The following PTAFR variants were observed in gnomAD, a reference collection of about 807,000 sequenced individuals.
The protein encoded by PTAFR is platelet-activating factor receptor.
A neutral mutation model predicts 14.7 loss-of-function variants in PTAFR; 8 were observed. That is an observed-to-expected ratio of 0.54 (90% CI 0.32 to 0.98). PTAFR has a LOEUF of 0.98. PTAFR is among the 50% of genes least tolerant of loss of function. PTAFR has a pLI of 0.04. For missense variants in PTAFR, 337 were observed against 451.2 expected (o/e 0.75, Z 2.29); for synonymous variants, 156 against 176.5 (o/e 0.88, Z 0.92).
intron 1 of PTAFR, among the ~76,000 whole-genome samples, chr1:28,168,052 G>A (rs1390350399): frequency 4.1e-5 from 6 of 145,866 alleles, no homozygotes; most frequent in Admixed American, 1.4e-4. Context: ...TCCGCCTCCC[G>A]GGTTCACGCC....
At chr1:28,175,415 C>T (rs1646502126) in intron 1 of PTAFR, among the ~76,000 whole-genome samples, 1 of 151,996 alleles carries the variant, frequency 6.6e-6, no homozygotes, top group Admixed American at 6.6e-5. Context: ...TTTTGCTTCT[C>T]TAGCACTCCC....
At chr1:28,165,655 C>T (rs576014597) in intron 1 of PTAFR, among the ~76,000 whole-genome samples, 11 of 150,752 alleles carry the variant, frequency 7.3e-5, no homozygotes, top group East Asian at 2.0e-4. Flanking sequence ...TGGTGGCAGG[C>T]GCCTGTAGTC....
At chr1:28,186,442 GT>G (rs1646607026) in intron 1 of PTAFR, among the ~76,000 whole-genome samples, 1 of 152,064 alleles carries the variant, frequency 6.6e-6, no homozygotes, top group Non-Finnish European at 1.5e-5. Context: ...TTCAGAACCA[GT>G]ACAATCAAAA....
Position 28,150,060 on chromosome 1 carries a change from G to T in PTAFR, c.962C>A (p.Thr321Asn). 6.2e-7 allele frequency: 1 copy of T among 1,614,218 alleles called. No homozygotes were observed. The highest frequency in any genetic ancestry group is 8.5e-7 in the Non-Finnish European group (1 of 1,180,030). The stretch of plus-strand genomic sequence containing the variant: ...AACCACTTCAGTGACCGTATCCGTG[G>T]TGGCCCGGGAGCATTTCCGGCTACT... ...MRSSRKCSRA[T>N]TDTVTEVVVP... Residue 321 changes from threonine to asparagine, a missense_variant, in exon 2 of 2, where the codon ACC becomes AAC. Thr to Asn is a moderately conservative substitution (Grantham distance 65). Transcript: ENST00000373857. This position sits in a 1 kb window ranked among gnomAD's most constrained non-coding sequence, Gnocchi z 6.3.
chr1:28,171,310 G>A (rs1452920283), intron 1 of PTAFR, among the ~76,000 whole-genome samples: 5 of 150,116 alleles, frequency 3.3e-5, no homozygotes, highest in African/African-American at 7.4e-5. Context: ...GTGACAGACC[G>A]AGACTCCATC....
upstream of PTAFR, among the ~76,000 whole-genome samples, chr1:28,181,142 C>T (rs1024188761): frequency 6.6e-6 from 1 of 152,106 alleles, no homozygotes; most frequent in African/African-American, 2.4e-5. Flanking sequence ...GCACCACGCC[C>T]GGTCGTGTGT....
At chr1:28,186,663 C>T (rs1416862633) in intron 1 of PTAFR, among the ~76,000 whole-genome samples, 1 of 152,276 alleles carries the variant, frequency 6.6e-6, no homozygotes, top group Middle Eastern at 3.4e-3. Context: ...GTGGCACACA[C>T]CTGTAATCTC....
intron 1 of PTAFR, among the ~76,000 whole-genome samples, chr1:28,185,284 T>C (rs1222372634): frequency 6.6e-6 from 1 of 152,196 alleles, no homozygotes; most frequent in African/African-American, 2.4e-5. Flanking sequence ...TGAATGACAT[T>C]AGAGAGAGGA....
chr1:28,182,608 G>T (rs1646571237), intron 1 of PTAFR, among the ~76,000 whole-genome samples: 1 of 151,640 alleles, frequency 6.6e-6, no homozygotes. Context: ...AAAAAAAAAA[G>T]TGTGCTGATA....
intron 1 of PTAFR, among the ~76,000 whole-genome samples, chr1:28,182,867 G>C (rs112847268): frequency 0.011 from 1,666 of 152,240 alleles, 39 homozygotes; most frequent in African/African-American, 0.038. Context: ...TTGTAGTAGA[G>C]ATGGGGTTTC....
rs1174149251 is a variant in PTAFR at position 28,147,954 on chromosome 1, C to T, written c.*2039G>A. The T allele has an allele frequency of 6.6e-6, 1 of 152,560 alleles. No homozygotes were observed. The highest frequency in any genetic ancestry group is 1.5e-5 in the Non-Finnish European group (1 of 68,204). The allele number at this position is 152,560 out of a possible 1,614,324, so 9.5% of individuals were successfully genotyped here. A position where few individuals can be genotyped will look rare whatever the true frequency, so the allele number is the denominator to read the frequency against. On this transcript the variant is annotated 3_prime_UTR_variant, in exon 2 of 2. Coordinates refer to ENST00000373857, the MANE Select transcript of PTAFR (RefSeq NM_000952.5). The stretch of plus-strand genomic sequence containing the variant: ...CACCGGGTCATCCCATCAGCCAAGT[C>T]CAGCCCACAGCTACCATCCCAGACT...
intron 1 of PTAFR, among the ~76,000 whole-genome samples, chr1:28,172,451 A>G (rs1646463024): frequency 6.6e-6 from 1 of 152,152 alleles, no homozygotes; most frequent in Admixed American, 6.5e-5. Flanking sequence ...CTGGCGTCAC[A>G]CAGACCTGAG....
rs1254649102 is a variant in PTAFR at position 28,148,933 on chromosome 1, G to A, written c.*1060C>T. 1 of 152,264 alleles carries A rather than the reference G, an allele frequency of 6.6e-6. No individual in the cohort carries two copies. The highest frequency in any genetic ancestry group is 1.5e-5 in the Non-Finnish European group (1 of 68,074). 9.4% of individuals were successfully genotyped at this position (152,264 alleles called of 1,614,324 possible). On this transcript the variant is annotated 3_prime_UTR_variant, in exon 2 of 2. Transcript: ENST00000373857. The stretch of plus-strand genomic sequence containing the variant: ...CTTTGCCCACCCTCAGTGGGTGGCT[G>A]CCCCACAGAAGGTACTTAATTAGGG...
chr1:28,183,125 G>A (rs1388571512), intron 1 of PTAFR, among the ~76,000 whole-genome samples: 4 of 152,198 alleles, frequency 2.6e-5, no homozygotes, highest in African/African-American at 7.2e-5. Context: ...CCAATGTTAT[G>A]TAGTGGATAA....
chr1:28,192,982 C>T (rs1646666835), intron 1 of PTAFR, among the ~76,000 whole-genome samples: 1 of 152,178 alleles, frequency 6.6e-6, no homozygotes, highest in Admixed American at 6.5e-5. Flanking sequence ...CTGTCATGCT[C>T]TTTAGTGCGG....
chr1:28,158,455 T>C (rs1646290662), intron 1 of PTAFR, among the ~76,000 whole-genome samples: 2 of 152,186 alleles, frequency 1.3e-5, no homozygotes, highest in South Asian at 4.1e-4. Flanking sequence ...ATCCCAGCAC[T>C]TCGGGAGGCC....
upstream of PTAFR, among the ~76,000 whole-genome samples, chr1:28,180,906 TGAAG>T (rs1284205887): frequency 6.6e-6 from 1 of 151,504 alleles, no homozygotes; most frequent in Non-Finnish European, 1.5e-5. Context: ...GGAAGAGGAA[TGAAG>T]GGAGAGAGGG....
At position 28,151,059 on chromosome 1, in the gene PTAFR, C is replaced by T. The variant is rs1646181311; in HGVS notation, c.-38G>A. On this transcript the variant is annotated splice_region_variant and 5_prime_UTR_variant, in exon 2 of 2. Transcript: ENST00000373857. ...GAATGATCAGCTGGTCCTGGTGGTG[C>T]CTGGAAGACCACACAAAAATTCTGG... The T allele has an allele frequency of 1.3e-6, 2 of 1,496,776 alleles. No homozygotes were observed. The highest frequency in any genetic ancestry group is 1.8e-6 in the Non-Finnish European group (2 of 1,112,226). The allele number at this position is 1,496,776 out of a possible 1,614,324, so 92.7% of individuals were successfully genotyped here. A position where few individuals can be genotyped will look rare whatever the true frequency, so the allele number is the denominator to read the frequency against.
intron 1 of PTAFR, among the ~76,000 whole-genome samples, chr1:28,164,574 G>A (rs538417650): frequency 6.6e-6 from 1 of 152,154 alleles, no homozygotes; most frequent in Non-Finnish European, 1.5e-5. Context: ...GATCATCTTC[G>A]TGAGGCTGGT....
Sources: gnomAD v4.1 joint callset for allele counts (sites outside exome capture counted in the v4.1 genomes callset) on GRCh38, gnomAD v4.1.1 for gene constraint, Gnocchi (gnomAD v3.1) non-coding constraint, MANE v1.5 for transcripts, NCBI Gene and HGNC (gene_info 2026-07-23, HGNC 2026-07-21) for gene names.